The following SNX6 variants were observed in gnomAD, a reference collection of about 807,000 sequenced individuals.
SNX6 encodes the protein sorting nexin 6, also known as sorting nexin-6.
In SNX6, 34 loss-of-function variants were observed where a neutral mutation model predicts 63.0. The observed-to-expected ratio is 0.54, with a 90% CI of 0.41 to 0.72. The LOEUF (loss-of-function observed/expected upper bound fraction) is 0.72, where lower values mean the gene tolerates loss of function less well. Ranked by LOEUF, SNX6 falls within the 30% of genes least tolerant of loss-of-function variation. SNX6 has a pLI of 0.00. For synonymous variants in SNX6, 170 were observed against 164.2 expected (o/e 1.04, Z -0.27); for missense variants, 398 against 471.4 (o/e 0.84, Z 1.44).
intron 9 of SNX6, among the ~76,000 whole-genome samples, chr14:34,584,325 C>A (rs1038907710): frequency 2.6e-5 from 4 of 151,512 alleles, no homozygotes; most frequent in African/African-American, 9.7e-5. Flanking sequence ...TTTTTGAAAC[C>A]AAGTCTTGCT....
intron 7 of SNX6, 84 bp from the exon 8 acceptor site, chr14:34,593,234 A>T: frequency 1.2e-6 from 1 of 817,360 alleles, no homozygotes; most frequent in Non-Finnish European, 1.9e-6. Flanking sequence ...TAAATATAAA[A>T]GATCATCAGT....
intron 2 of SNX6, among the ~76,000 whole-genome samples, chr14:34,615,907 C>G (rs541878154): frequency 1.6e-4 from 24 of 152,266 alleles, no homozygotes; most frequent in African/African-American, 5.5e-4. Flanking sequence ...CATGGTTCAT[C>G]AATTCTAGAT....
chr14:34,577,717 A>G (rs1413547755), intron 10 of SNX6, among the ~76,000 whole-genome samples: 4 of 152,168 alleles, frequency 2.6e-5, no homozygotes, highest in Non-Finnish European at 5.9e-5. Flanking sequence ...GCTATACTAT[A>G]ATAAAAAGCC....
At chr14:34,580,015 T>C (rs949726652) in intron 10 of SNX6, among the ~76,000 whole-genome samples, 8 of 152,086 alleles carry the variant, frequency 5.3e-5, no homozygotes, top group Admixed American at 2.6e-4. Flanking sequence ...TGAAACCCCA[T>C]CTCTACTAAA....
In SNX6 at chr14:34,562,359, A is replaced by T. The variant is rs1880966671; in HGVS notation, c.*763T>A. 6.6e-6 allele frequency: 1 copy of T among 152,356 alleles called. No individual in the cohort carries two copies. The highest frequency in any genetic ancestry group is 1.5e-5 in the Non-Finnish European group (1 of 68,046). 9.4% of individuals were successfully genotyped at this position (152,356 alleles called of 1,614,324 possible). ...ATTGGTGGACTTTGTTCGAGATGCC[A>T]TTTCAAAAGAAATGAGAAAAAAGAA... is the stretch of plus-strand genomic sequence containing the variant. On this transcript the variant is annotated 3_prime_UTR_variant, in exon 14 of 14. Coordinates refer to ENST00000362031, the MANE Select transcript of SNX6 (RefSeq NM_152233.4).
chr14:34,626,490 T>TA (rs61026659), intron 2 of SNX6, among the ~76,000 whole-genome samples: 3,795 of 130,830 alleles, frequency 0.029, 141 homozygotes, highest in African/African-American at 0.093. Flanking sequence ...CCGCCTCTAC[T>TA]AAAAAAAAAA....
intron 9 of SNX6, among the ~76,000 whole-genome samples, chr14:34,582,972 G>C (rs999139747): frequency 2.6e-5 from 4 of 151,852 alleles, no homozygotes; most frequent in Non-Finnish European, 5.9e-5. Flanking sequence ...AAAATTAGTG[G>C]GGCACGATGG....
At chr14:34,608,644 T>C (rs971382283) in intron 3 of SNX6, among the ~76,000 whole-genome samples, 1 of 152,182 alleles carries the variant, frequency 6.6e-6, no homozygotes, top group African/African-American at 2.4e-5. Context: ...TTAAAAGTTA[T>C]GTCATTAATA....
At chr14:34,566,644 CT>C (rs1280954746) in intron 13 of SNX6, among the ~76,000 whole-genome samples, 1 of 152,196 alleles carries the variant, frequency 6.6e-6, no homozygotes, top group African/African-American at 2.4e-5. Context: ...ATTATTTTTA[CT>C]TTAATTAAAT....
intron 5 of SNX6, 141 bp downstream of exon 5, chr14:34,605,455 G>A (rs527649764): frequency 1.6e-5 from 10 of 614,846 alleles, no homozygotes; most frequent in Middle Eastern, 9.0e-4. Flanking sequence ...AATACTGGTT[G>A]TATGACTTAA....
At chr14:34,567,554 T>C (rs1442247636) in intron 13 of SNX6, 132 bp downstream of exon 13, 4 of 736,710 alleles carry the variant, frequency 5.4e-6, no homozygotes, top group South Asian at 3.7e-5. Flanking sequence ...TCTTGGAAAA[T>C]GTAATTCCAG....
chr14:34,569,765 A>G (rs1291876570), intron 11 of SNX6, among the ~76,000 whole-genome samples: 1 of 152,194 alleles, frequency 6.6e-6, no homozygotes, highest in Non-Finnish European at 1.5e-5. Flanking sequence ...ATTTCACTGT[A>G]TGGTTATATC....
At chr14:34,592,546 T>C (rs945054219) in intron 8 of SNX6, among the ~76,000 whole-genome samples, 1 of 152,096 alleles carries the variant, frequency 6.6e-6, no homozygotes, top group African/African-American at 2.4e-5. Flanking sequence ...TATCACAGTA[T>C]CATTATAAAA....
At chr14:34,572,737 G>A (rs190839360) in intron 11 of SNX6, among the ~76,000 whole-genome samples, 11 of 151,786 alleles carry the variant, frequency 7.2e-5, no homozygotes, top group Admixed American at 3.3e-4. Context: ...CCGGAGTGCC[G>A]TGGCGCGATC....
intron 10 of SNX6, among the ~76,000 whole-genome samples, chr14:34,576,450 ATATT>A (rs1198740094): frequency 6.6e-4 from 53 of 80,874 alleles, no homozygotes; most frequent in African/African-American, 2.4e-3. Flanking sequence ...ATATATATAT[ATATT>A]TTTTTTTTTT....
At chr14:34,576,597 C>A (rs1216354165) in intron 10 of SNX6, among the ~76,000 whole-genome samples, 1 of 151,656 alleles carries the variant, frequency 6.6e-6, no homozygotes, top group Non-Finnish European at 1.5e-5. Context: ...TACAGGCATG[C>A]ACTGCCACGC....
At chr14:34,612,175 A>G (rs1382273388) in intron 2 of SNX6, among the ~76,000 whole-genome samples, 2 of 151,890 alleles carry the variant, frequency 1.3e-5, no homozygotes, top group South Asian at 2.1e-4. Flanking sequence ...TCCCGAGCTC[A>G]GGCAATCCTT....
rs1881324193 is a variant in SNX6 at position 34,569,066 on chromosome 14, G to T, written c.922-1053C>A. On this transcript the variant is annotated intron_variant, in intron 11 of 13. Transcript: ENST00000362031. The stretch of plus-strand genomic sequence containing the variant: ...ACTTTCAGCTTCCCAGACTTTCTGA[G>T]GAAGGCTGCCAGAGCTCTGATGAAC... 38 of 1,213,044 alleles carry T rather than the reference G, an allele frequency of 3.1e-5. No homozygotes were observed. In the South Asian group the frequency reaches 4.1e-4, roughly 13 times the overall value. The allele number at this position is 1,213,044 out of a possible 1,614,324, so 75.1% of individuals were successfully genotyped here.
chr14:34,628,947 G>C (rs922006594), intron 2 of SNX6, among the ~76,000 whole-genome samples: 2 of 152,076 alleles, frequency 1.3e-5, no homozygotes, highest in Non-Finnish European at 2.9e-5. Context: ...GTGGAGAGTG[G>C]GGTGGGAGGG....
Sources: allele counts gnomAD v4.1 joint callset (sites outside exome capture counted in the v4.1 genomes callset), GRCh38; gene constraint gnomAD v4.1.1; transcripts MANE v1.5; gene names NCBI Gene and HGNC (gene_info 2026-07-23, HGNC 2026-07-21).